The following SLTM variants were observed in gnomAD, a reference collection of about 807,000 sequenced individuals.
SLTM encodes SAFB-like transcription modulator.
Under a neutral mutation model 134.6 loss-of-function variants are expected in SLTM, and 43 were observed. The ratio of observed to expected loss-of-function variants is 0.32; its 90% CI spans 0.25 to 0.41. The LOEUF (loss-of-function observed/expected upper bound fraction) is 0.41, where lower values mean the gene tolerates loss of function less well. Ranked by LOEUF, SLTM falls within the 10% of genes least tolerant of loss-of-function variation. The pLI, the probability that SLTM is intolerant of heterozygous loss-of-function variation, is 1.00. For missense variants in SLTM, 1,055 were observed against 1,288.8 expected (o/e 0.82, Z 2.78); for synonymous variants, 424 against 432.3 (o/e 0.98, Z 0.24).
chr15:58,933,248 T>A (rs2038015810), intron 1 of SLTM, among the ~76,000 whole-genome samples, 156 bp downstream of exon 1: 1 of 151,590 alleles, frequency 6.6e-6, no homozygotes, highest in Non-Finnish European at 1.5e-5. Context: ...AGGGTCCCCG[T>A]CCTCCACGCT....
Position 58,880,025 on chromosome 15 carries a change from T to C in SLTM, c.3079A>G (p.Lys1027Glu). Residue 1027 changes from lysine (K) to glutamate (E), a missense_variant, in exon 21 of 21, where the codon AAG (lysine) becomes GAG (glutamate). By Grantham distance (56) the Lys-to-Glu change is moderately conservative (BLOSUM62 1). This residue lies in a region of SLTM where 776 missense variants were observed against 962.2 expected (regional missense o/e 0.81). Transcript: ENST00000380516. ...RGSGSGFKPF[K>E]GGPPRRF Reference sequence around the variant, plus strand: ...CAGAATCGTCGCGGAGGTCCACCCTTAAATGGCTTAAATCCGGAGCCACTT... The same window carrying C: ...CAGAATCGTCGCGGAGGTCCACCCTCAAATGGCTTAAATCCGGAGCCACTT... 1 of 1,614,120 alleles carries C rather than the reference T, an allele frequency of 6.2e-7. No individual in the cohort carries two copies. The highest frequency in any genetic ancestry group is 8.5e-7 in the Non-Finnish European group (1 of 1,179,996).
chr15:58,890,737 T>C (rs978305511), intron 14 of SLTM, among the ~76,000 whole-genome samples: 4 of 152,236 alleles, frequency 2.6e-5, no homozygotes, highest in Non-Finnish European at 4.4e-5. Flanking sequence ...AAAATTACTA[T>C]AATAGTCCAT....
chr15:58,924,080 G>A (rs569126471), intron 2 of SLTM, among the ~76,000 whole-genome samples: 1 of 152,138 alleles, frequency 6.6e-6, no homozygotes, highest in South Asian at 2.1e-4. Flanking sequence ...CTCCCAAGGT[G>A]CTGGGATTAG....
At chr15:58,919,543 T>C (rs548295237) in intron 2 of SLTM, among the ~76,000 whole-genome samples, 1 of 152,146 alleles carries the variant, frequency 6.6e-6, no homozygotes, top group African/African-American at 2.4e-5. Flanking sequence ...GGAGAACTGC[T>C]TGAACCCAGG....
intron 5 of SLTM, among the ~76,000 whole-genome samples, chr15:58,909,249 T>C (rs1405971406): frequency 6.6e-6 from 1 of 152,162 alleles, no homozygotes; most frequent in Non-Finnish European, 1.5e-5. Flanking sequence ...TCTCACTGTA[T>C]GGAACAATTT....
At chr15:58,901,539 G>C (rs1339641717) in intron 5 of SLTM, among the ~76,000 whole-genome samples, 1 of 152,152 alleles carries the variant, frequency 6.6e-6, no homozygotes, top group Non-Finnish European at 1.5e-5. Context: ...AACTGGATTA[G>C]TTTCACTATT....
chr15:58,891,508 T>A (rs1024254354), intron 14 of SLTM, among the ~76,000 whole-genome samples: 3 of 152,218 alleles, frequency 2.0e-5, no homozygotes, highest in Admixed American at 6.5e-5. Context: ...AATTATACTT[T>A]CTTGCGACTT....
chr15:58,920,483 C>T (rs991261021), intron 2 of SLTM, among the ~76,000 whole-genome samples: 1 of 151,072 alleles, frequency 6.6e-6, no homozygotes. Context: ...ATTAGCTGGG[C>T]ATGGTGGCAC....
Position 58,899,747 on chromosome 15 carries a change from A to T in SLTM, c.780T>A (p.Asp260Glu), listed in dbSNP as rs1457870274. 1 of 1,614,190 alleles carries T rather than the reference A, an allele frequency of 6.2e-7. No homozygotes were observed. Among genetic ancestry groups the T allele is most frequent in the Non-Finnish European group, 8.5e-7 (1 of 1,180,024 alleles). Reference protein sequence around the residue: ...EDAITLDFDGDDLLETGKNVK... With the variant: ...EDAITLDFDGEDLLETGKNVK... ...CATTTTTACCTGTTTCTAGGAGGTC[A>T]TCACCATCAAAATCCAGAGTGATGG... is the stretch of plus-strand genomic sequence containing the variant. The change falls in exon 7 of 21, where the codon GAT becomes GAA. Residue 260 changes from aspartate to glutamate, a missense_variant. By Grantham distance (45) the Asp-to-Glu change is conservative. Around this residue, in one of 3 missense-constraint regions of SLTM, gnomAD observed 11 missense variants for 42.3 expected, o/e 0.26. Transcript: ENST00000380516. The surrounding 1 kb of genome is among the most constrained non-coding windows in gnomAD (Gnocchi z 5.0).
intron 15 of SLTM, 49 bp from the exon 16 acceptor site, chr15:58,889,603 A>G (rs1354346622): frequency 1.2e-6 from 2 of 1,608,776 alleles, no homozygotes; most frequent in African/African-American, 2.7e-5. Flanking sequence ...ATGAAAACAT[A>G]AGATAAGTAT....
At chr15:58,922,707 ATCTT>A (rs1354725286) in intron 2 of SLTM, among the ~76,000 whole-genome samples, 1 of 148,934 alleles carries the variant, frequency 6.7e-6, no homozygotes, top group Non-Finnish European at 1.5e-5. Context: ...CAAGCATTGT[ATCTT>A]TCTTTTTTCT....
chr15:58,882,848 G>C (rs192317854), intron 20 of SLTM, among the ~76,000 whole-genome samples: 69 of 152,372 alleles, frequency 4.5e-4, no homozygotes, highest in African/African-American at 1.6e-3. Flanking sequence ...AGTGTGAAGA[G>C]AAAGTAAAGC....
At chr15:58,904,526 T>A (rs1245879409) in intron 5 of SLTM, among the ~76,000 whole-genome samples, 1 of 151,642 alleles carries the variant, frequency 6.6e-6, no homozygotes, top group Non-Finnish European at 1.5e-5. Flanking sequence ...TCTAAGACCA[T>A]TATACTGTGC....
At chr15:58,921,036 A>C (rs1202622559) in intron 2 of SLTM, among the ~76,000 whole-genome samples, 1 of 152,210 alleles carries the variant, frequency 6.6e-6, no homozygotes, top group Admixed American at 6.5e-5. Context: ...CAAATTGCAT[A>C]GTATGCACAC....
intron 2 of SLTM, among the ~76,000 whole-genome samples, chr15:58,922,293 C>T (rs1359482957): frequency 1.5e-5 from 2 of 135,738 alleles, no homozygotes; most frequent in Non-Finnish European, 1.5e-5. Context: ...AGAAGAATTG[C>T]TTGAACCCGG....
At chr15:58,924,112 G>A (rs1370175489) in intron 2 of SLTM, among the ~76,000 whole-genome samples, 1 of 152,170 alleles carries the variant, frequency 6.6e-6, no homozygotes. Flanking sequence ...ACCACGCCTG[G>A]CCTGAAGCCA....
chr15:58,883,557 TATA>T, intron 20 of SLTM, 66 bp downstream of exon 20: 2 of 1,585,678 alleles, frequency 1.3e-6, no homozygotes, highest in South Asian at 1.1e-5. Context: ...TCTCAGAAAC[TATA>T]ATGACTTTTA....
At chr15:58,884,916 C>T (rs541803282) in intron 19 of SLTM, among the ~76,000 whole-genome samples, 2 of 152,280 alleles carry the variant, frequency 1.3e-5, no homozygotes, top group South Asian at 2.1e-4. Context: ...TTTACAGCCA[C>T]GAGCCACCAG....
At chr15:58,896,157 C>T (rs1367701277) in intron 9 of SLTM, among the ~76,000 whole-genome samples, 1 of 152,164 alleles carries the variant, frequency 6.6e-6, no homozygotes, top group Non-Finnish European at 1.5e-5. Flanking sequence ...TAGGTCTCCC[C>T]TTAACTGCCA....
Sources: gnomAD v4.1 joint callset for allele counts (sites outside exome capture counted in the v4.1 genomes callset) on GRCh38, gnomAD v4.1.1 for gene constraint, gnomAD v4.1.1 regional missense constraint, Gnocchi (gnomAD v3.1) non-coding constraint, MANE v1.5 for transcripts, NCBI Gene and HGNC (gene_info 2026-07-23, HGNC 2026-07-21) for gene names.